NCKAP5: variants seen among roughly 807,000 people sequenced by gnomAD.
The protein encoded by NCKAP5 is NCK associated protein 5.
Under a neutral mutation model 167.0 loss-of-function variants are expected in NCKAP5, and 92 were observed. The observed-to-expected ratio is 0.55, with a 90% CI of 0.47 to 0.66. The LOEUF (loss-of-function observed/expected upper bound fraction) is 0.66. Ranked by LOEUF, NCKAP5 falls within the 30% of genes least tolerant of loss-of-function variation. The pLI is 0.00. For synonymous variants in NCKAP5, 891 were observed against 877.4 expected (o/e 1.02, Z -0.27); for missense variants, 2,378 against 2,315.0 (o/e 1.03, Z -0.56).
At position 133,366,279 on chromosome 2, in the gene NCKAP5, T is replaced by C. The variant is rs557655830; in HGVS notation, c.70-63169A>G. On this transcript the variant is annotated intron_variant, in intron 3 of 19. Coordinates refer to ENST00000409261, the MANE Select transcript of NCKAP5 (RefSeq NM_207363.3). The stretch of plus-strand genomic sequence containing the variant: ...AGATCATATTTTTAAATATTGGTGA[T>C]TTAAATCTTAAATAAATATTTGGGA... Among the ~76,000 whole-genome samples the C allele has an allele frequency of 1.3e-3, 199 of 152,346 alleles. 1 individual carries two copies. Among genetic ancestry groups the C allele is most frequent in the South Asian group, 5.2e-3 (25 of 4,828 alleles).
chr2:132,876,409 T>C (rs542936423), intron 9 of NCKAP5, among the ~76,000 whole-genome samples: 3 of 152,336 alleles, frequency 2.0e-5, no homozygotes, highest in South Asian at 2.1e-4. Flanking sequence ...AAAAACATTT[T>C]AAATTTACAT....
intron 5 of NCKAP5, among the ~76,000 whole-genome samples, chr2:133,163,378 A>C (rs1486809526): frequency 6.6e-6 from 1 of 152,204 alleles, no homozygotes; most frequent in East Asian, 1.9e-4. Flanking sequence ...ATTGGAATCT[A>C]AGCCTTCTTG....
At chr2:133,612,134 T>C in the NCKAP5 span, among the ~76,000 whole-genome samples, 1 of 152,182 alleles carries the variant, frequency 6.6e-6, no homozygotes, top group Non-Finnish European at 1.5e-5. Flanking sequence ...AAAACTTTAA[T>C]AGCTCCAATG....
At chr2:132,883,679 G>A (rs976086741) in intron 8 of NCKAP5, among the ~76,000 whole-genome samples, 1 of 152,142 alleles carries the variant, frequency 6.6e-6, no homozygotes, top group East Asian at 1.9e-4. Context: ...CATTTCCTCG[G>A]TGCCCTCTGC....
intron 11 of NCKAP5, among the ~76,000 whole-genome samples, chr2:132,844,406 C>A (rs1386181762): frequency 2.0e-5 from 3 of 152,084 alleles, no homozygotes; most frequent in Admixed American, 2.0e-4. Context: ...CTTAAAGATA[C>A]TCCCTTAAAG....
intron 6 of NCKAP5, among the ~76,000 whole-genome samples, chr2:133,070,239 G>A (rs2080343112): frequency 6.6e-6 from 1 of 152,070 alleles, no homozygotes; most frequent in African/African-American, 2.4e-5. Flanking sequence ...AAGACTGTCA[G>A]GATAATTACC....
At chr2:132,922,227 C>T (rs1695490679) in intron 8 of NCKAP5, among the ~76,000 whole-genome samples, 1 of 152,036 alleles carries the variant, frequency 6.6e-6, no homozygotes, top group African/African-American at 2.4e-5. Context: ...AAAGAGTATT[C>T]TAGGAGGAGG....
At chr2:132,999,553 C>T (rs1559036104) in intron 6 of NCKAP5, among the ~76,000 whole-genome samples, 1 of 152,192 alleles carries the variant, frequency 6.6e-6, no homozygotes, top group Non-Finnish European at 1.5e-5. Context: ...GTTTTCTGAA[C>T]TCTTTCATGG....
chr2:132,961,576 A>G (rs2076511880), intron 8 of NCKAP5, among the ~76,000 whole-genome samples: 1 of 152,152 alleles, frequency 6.6e-6, no homozygotes, highest in Non-Finnish European at 1.5e-5. Flanking sequence ...TACAGATATC[A>G]TCTATTGCAT....
At chr2:133,404,211 G>T (rs1303915131) in intron 3 of NCKAP5, among the ~76,000 whole-genome samples, 1 of 152,108 alleles carries the variant, frequency 6.6e-6, no homozygotes, top group Non-Finnish European at 1.5e-5. Context: ...GAACATTTGG[G>T]CTCCCTGTCC....
At chr2:132,874,294 G>C (rs929243349) in intron 9 of NCKAP5, among the ~76,000 whole-genome samples, 4 of 151,958 alleles carry the variant, frequency 2.6e-5, no homozygotes, top group Admixed American at 2.6e-4. Flanking sequence ...ATTTTTAGTA[G>C]AGACGAGGTT....
At chr2:132,701,135 T>G (rs1450060060) in intron 19 of NCKAP5, among the ~76,000 whole-genome samples, 1 of 152,192 alleles carries the variant, frequency 6.6e-6, no homozygotes, top group African/African-American at 2.4e-5. Flanking sequence ...AAGCTATTCC[T>G]TGTTTATCTG....
chr2:133,502,128 G>A (rs1252119771), intron 3 of NCKAP5, among the ~76,000 whole-genome samples: 1 of 152,214 alleles, frequency 6.6e-6, no homozygotes, highest in Non-Finnish European at 1.5e-5. Flanking sequence ...GGTTTCCCCA[G>A]TATCTCAAGA....
At chr2:133,646,640 T>G in the NCKAP5 span, among the ~76,000 whole-genome samples, 4 of 152,130 alleles carry the variant, frequency 2.6e-5, no homozygotes, top group Non-Finnish European at 4.4e-5. Flanking sequence ...AGCAACATGA[T>G]AGCATAAGAA....
At chr2:133,455,311 T>C (rs1444787178) in intron 3 of NCKAP5, among the ~76,000 whole-genome samples, 1 of 152,158 alleles carries the variant, frequency 6.6e-6, no homozygotes, top group Non-Finnish European at 1.5e-5. Context: ...CTATTTGGTA[T>C]GCCTTTATGA....
At chr2:132,935,959 A>G (rs907536485) in intron 8 of NCKAP5, among the ~76,000 whole-genome samples, 1 of 151,628 alleles carries the variant, frequency 6.6e-6, no homozygotes, top group African/African-American at 2.4e-5. Context: ...GAGTTAAACT[A>G]CCTTAAATAA....
At chr2:133,375,904 T>C (rs981881279) in intron 3 of NCKAP5, among the ~76,000 whole-genome samples, 1 of 152,090 alleles carries the variant, frequency 6.6e-6, no homozygotes, top group African/African-American at 2.4e-5. Flanking sequence ...ATACAGAAAG[T>C]CAAAAATGGG....
intron 6 of NCKAP5, among the ~76,000 whole-genome samples, chr2:133,059,673 CAAAAAAAAA>C (rs1202793730): frequency 9.5e-6 from 1 of 105,368 alleles, no homozygotes; most frequent in Admixed American, 1.0e-4. Flanking sequence ...GATGCTATTT[CAAAAAAAAA>C]AAAGAAAGAA....
intron 2 of NCKAP5, among the ~76,000 whole-genome samples, chr2:133,524,505 C>A (rs115703764): frequency 4.8e-4 from 73 of 152,220 alleles, no homozygotes; most frequent in African/African-American, 1.7e-3. Context: ...GTACGTATAT[C>A]ATAAAACCTC....
Sources: allele counts gnomAD v4.1 joint callset (sites outside exome capture counted in the v4.1 genomes callset), GRCh38; gene constraint gnomAD v4.1.1; transcripts MANE v1.5; gene names NCBI Gene and HGNC (gene_info 2026-07-23, HGNC 2026-07-21).